Variants in ASH1L observed in about 807,000 individuals in gnomAD.
ASH1L encodes the protein histone-lysine N-methyltransferase ASH1L.
In ASH1L, 23 loss-of-function variants were observed where a neutral mutation model predicts 269.0. The observed-to-expected ratio is 0.09, with a 90% CI of 0.06 to 0.12. The LOEUF (loss-of-function observed/expected upper bound fraction) is 0.12. ASH1L is among the 10% of genes least tolerant of loss of function. The pLI, the probability that ASH1L is intolerant of heterozygous loss-of-function variation, is 1.00. For missense variants in ASH1L, 2,912 were observed against 3,567.8 expected (o/e 0.82, Z 4.68); for synonymous variants, 1,187 against 1,253.5 (o/e 0.95, Z 1.12).
At chr1:155,380,355 C>T (rs1182157195) in intron 7 of ASH1L, among the ~76,000 whole-genome samples, 4 of 151,964 alleles carry the variant, frequency 2.6e-5, no homozygotes, top group African/African-American at 9.7e-5. Flanking sequence ...TACAGCAAAA[C>T]TACAACCAAA....
At chr1:155,476,582 C>T (rs1476012065) in intron 3 of ASH1L, among the ~76,000 whole-genome samples, 2 of 150,460 alleles carry the variant, frequency 1.3e-5, no homozygotes, top group African/African-American at 4.9e-5. Flanking sequence ...GATGGAGTCT[C>T]GCTCTGTTGC....
At chr1:155,410,349 G>T (rs892979203) in intron 6 of ASH1L, among the ~76,000 whole-genome samples, 2 of 152,042 alleles carry the variant, frequency 1.3e-5, no homozygotes, top group Non-Finnish European at 2.9e-5. Flanking sequence ...TGTCACCCAG[G>T]CTGGAGTGCA....
chr1:155,537,572 C>A (rs759139607), intron 1 of ASH1L, among the ~76,000 whole-genome samples: 2 of 152,094 alleles, frequency 1.3e-5, no homozygotes, highest in Non-Finnish European at 2.9e-5. Flanking sequence ...ACAGGATATC[C>A]ATCTGCAAGA....
intron 20 of ASH1L, among the ~76,000 whole-genome samples, chr1:155,346,897 C>G (rs1397961444): frequency 2.0e-5 from 3 of 152,228 alleles, no homozygotes; most frequent in Non-Finnish European, 4.4e-5. Context: ...TATGCATTCA[C>G]ATATATTAGT....
At chr1:155,442,740 C>A (rs1283282923) in intron 4 of ASH1L, among the ~76,000 whole-genome samples, 1 of 151,980 alleles carries the variant, frequency 6.6e-6, no homozygotes, top group Admixed American at 6.6e-5. Flanking sequence ...TTATCTTAGA[C>A]CCTAATTCTA....
In ASH1L at chr1:155,479,918, G is replaced by C; in HGVS notation, c.2952C>G (p.Arg984=). 1 of 1,613,306 alleles carries C rather than the reference G, an allele frequency of 6.2e-7. No individual in the cohort carries two copies. The highest frequency in any genetic ancestry group is 1.1e-5 in the South Asian group (1 of 90,928). ...TTAAAGTCTTCATTTTATTTATTTT[G>C]CGGATAATTGTTTTCATTAATTGTC... is the stretch of plus-strand genomic sequence containing the variant. ...NNGQLMKTII[R]KINKMKTLKR... The change falls in exon 3 of 28, where the codon CGC becomes CGG. Residue 984 remains arginine, a synonymous_variant. Transcript: ENST00000392403.
intron 3 of ASH1L, among the ~76,000 whole-genome samples, chr1:155,461,758 A>G (rs920932029): frequency 2.0e-5 from 3 of 150,730 alleles, no homozygotes; most frequent in Non-Finnish European, 3.0e-5. Context: ...CTGTATCACC[A>G]TTCCTGATCA....
chr1:155,346,371 G>C lies in ASH1L; in HGVS notation c.7890+12C>G. Reference sequence around the variant, plus strand: ...ACTTATAGATCAGAGTTTTATCAGAGGTTCAGCTTACCCTGTCCACAGGCC... The same window carrying C: ...ACTTATAGATCAGAGTTTTATCAGACGTTCAGCTTACCCTGTCCACAGGCC... On this transcript the variant is annotated intron_variant, in intron 21 of 27. Transcript: ENST00000392403. 1.9e-6 allele frequency: 3 copies of C among 1,612,936 alleles called. No individual in the cohort carries two copies. The highest frequency in any genetic ancestry group is 1.7e-6 in the Non-Finnish European group (2 of 1,179,044).
chr1:155,439,474 G>A (rs1347652138), intron 4 of ASH1L, among the ~76,000 whole-genome samples: 1 of 152,156 alleles, frequency 6.6e-6, no homozygotes, highest in Non-Finnish European at 1.5e-5. Flanking sequence ...AAGGCAGGAG[G>A]AATGCCTGAG....
At position 155,403,880 on chromosome 1, in the gene ASH1L, G is replaced by A. The variant is rs545247693; in HGVS notation, c.6009-8327C>T. ...CTTCCTGCTGCAGCCAATAAAGGCC[G>A]TTCCTACCATTAAAAAAAAAAAAAA... On this transcript the variant is annotated intron_variant, in intron 6 of 27. Transcript: ENST00000392403. Among the ~76,000 whole-genome samples the A allele has an allele frequency of 3.4e-5, 5 of 149,196 alleles. No homozygotes were observed. The South Asian group carries it at 6.4e-4, about 19-fold the overall frequency.
chr1:155,348,435 A>G (rs1160145686), intron 19 of ASH1L, among the ~76,000 whole-genome samples: 3 of 151,820 alleles, frequency 2.0e-5, no homozygotes, highest in Non-Finnish European at 4.4e-5. Context: ...ACACCTCTCC[A>G]AGGCATGTCA....
chr1:155,535,261 GCT>G (rs1018118274), intron 1 of ASH1L, among the ~76,000 whole-genome samples: 2 of 141,218 alleles, frequency 1.4e-5, no homozygotes, highest in Non-Finnish European at 1.5e-5. Context: ...ACTGGGTTTT[GCT>G]CTGTTGCCAA....
chr1:155,528,214 A>G (rs377587754), intron 1 of ASH1L, among the ~76,000 whole-genome samples: 2 of 152,294 alleles, frequency 1.3e-5, no homozygotes, highest in South Asian at 4.1e-4. Flanking sequence ...TTCTTCCTAC[A>G]GGTTTCATTT....
At chr1:155,484,961 AC>A (rs377203833) in intron 2 of ASH1L, among the ~76,000 whole-genome samples, 4 of 140,082 alleles carry the variant, frequency 2.9e-5, no homozygotes, top group Admixed American at 1.4e-4. Flanking sequence ...AAAAACAAAA[AC>A]AAAAACCAAC....
chr1:155,522,617 C>T (rs1050101258), intron 1 of ASH1L, among the ~76,000 whole-genome samples: 1 of 152,080 alleles, frequency 6.6e-6, no homozygotes, highest in African/African-American at 2.4e-5. Context: ...CTCCACAAAG[C>T]ACTCCCATTT....
At chr1:155,412,948 G>A (rs1659923231) in intron 6 of ASH1L, among the ~76,000 whole-genome samples, 1 of 150,032 alleles carries the variant, frequency 6.7e-6, no homozygotes, top group Admixed American at 6.7e-5. Context: ...CCAGCAGTTT[G>A]CTCTTACAGA....
chr1:155,542,393 C>T (rs1222007489), intron 1 of ASH1L, among the ~76,000 whole-genome samples: 1 of 151,832 alleles, frequency 6.6e-6, no homozygotes, highest in Non-Finnish European at 1.5e-5. Flanking sequence ...ATCAAAAATA[C>T]AAAAAATTAG....
At position 155,478,778 on chromosome 1, in the gene ASH1L, A is replaced by G; in HGVS notation, c.4092T>C (p.Pro1364=). Residue 1364 remains proline, a synonymous_variant, in exon 3 of 28, where the codon CCT becomes CCC. Coordinates refer to ENST00000392403, the MANE Select transcript of ASH1L (RefSeq NM_018489.3). This position sits in a 1 kb window ranked among gnomAD's most constrained non-coding sequence, Gnocchi z 4.6. ...PKMREAMAEM[P]FMHSLSFPLS... is the part of the protein sequence containing the mutation. ...GAGGAAAACTAAGGCTGTGCATAAA[A>G]GGCATTTCAGCCATTGCCTCCCTCA... 6.2e-7 allele frequency: 1 copy of G among 1,614,194 alleles called. No homozygotes were observed. Among genetic ancestry groups the G allele is most frequent in the African/African-American group, 1.3e-5 (1 of 75,056 alleles).
chr1:155,427,298 C>A (rs1449719582), intron 5 of ASH1L, among the ~76,000 whole-genome samples: 1 of 151,264 alleles, frequency 6.6e-6, no homozygotes, highest in Non-Finnish European at 1.5e-5. Context: ...CCACACCTGG[C>A]TAATTTTAAT....
Sources: allele counts gnomAD v4.1 joint callset (sites outside exome capture counted in the v4.1 genomes callset), GRCh38; gene constraint gnomAD v4.1.1; non-coding constraint Gnocchi (gnomAD v3.1); transcripts MANE v1.5; gene names NCBI Gene and HGNC (gene_info 2026-07-23, HGNC 2026-07-21).